The following WAPL variants were observed in gnomAD, a reference collection of about 807,000 sequenced individuals.
WAPL encodes WAPL cohesin release factor.
A neutral mutation model predicts 121.0 loss-of-function variants in WAPL; 5 were observed. The ratio of observed to expected loss-of-function variants is 0.04; its 90% confidence interval spans 0.02 to 0.09. WAPL has a LOEUF of 0.09. WAPL is among the 10% of genes least tolerant of loss of function. The pLI, the probability that WAPL is intolerant of heterozygous loss-of-function variation, is 1.00. For missense variants in WAPL, 999 were observed against 1,410.8 expected, an observed-to-expected ratio of 0.71 and a Z score of 4.68; for synonymous variants, 480 against 481.5, an observed-to-expected ratio of 1.00 and a Z score of 0.04.
rs1842585102 is a variant in WAPL, at chr10:86,517,676, T to C, written c.394A>G (p.Lys132Glu). 1.2e-6 allele frequency: 2 copies of C among 1,614,182 alleles called. No individual in the cohort carries two copies. The highest frequency in any genetic ancestry group is 1.7e-6 in the Non-Finnish European group (2 of 1,180,024). ...VVVEDTVVSD[K>E]CFPLEDTLLG... ...AAAGTGTCCTCCAAAGGGAAGCATTTATCAGAAACGACAGTGTCTTCAACG... is the reference window on the plus strand; with the variant it reads ...AAAGTGTCCTCCAAAGGGAAGCATTCATCAGAAACGACAGTGTCTTCAACG... The change falls in exon 2 of 19, where the codon AAA (lysine) becomes GAA (glutamate). Residue 132 changes from lysine (K) to glutamate (E), a missense_variant. Transcript: ENST00000298767.
At chr10:86,438,436 C>A (rs1051294996) in intron 17 of WAPL, among the ~76,000 whole-genome samples, 6 of 152,082 alleles carry the variant, frequency 3.9e-5, no homozygotes, top group Non-Finnish European at 8.8e-5. Flanking sequence ...GTATTTTTAG[C>A]AGAGACGTGG....
In WAPL at chr10:86,436,007, A is replaced by C. The variant is rs1849311628; in HGVS notation, c.*1536T>G. The C allele has an allele frequency of 6.6e-6, 1 of 152,482 alleles. No individual in the cohort carries two copies. The allele number at this position is 152,482 out of a possible 1,614,324, so 9.4% of individuals were successfully genotyped here. On this transcript the variant is annotated 3_prime_UTR_variant, in exon 19 of 19. Coordinates refer to ENST00000298767, the MANE Select transcript of WAPL (RefSeq NM_015045.5). ...TACACTGGCGTACTATGTTCTTAAA[A>C]GGTGATGGGTAGGGGTTGGGGTGGG...
intron 4 of WAPL, among the ~76,000 whole-genome samples, chr10:86,495,989 G>A (rs763417551): frequency 2.6e-5 from 4 of 151,998 alleles, no homozygotes; most frequent in African/African-American, 7.2e-5. Context: ...TGTCACATGC[G>A]TGTAATCCCA....
At position 86,467,440 on chromosome 10, in the gene WAPL, C is replaced by T; in HGVS notation, c.2209G>A (p.Asp737Asn). Reference protein sequence around the residue: ...LSRDRLNMDLDRASLDLMIRL... With the variant: ...LSRDRLNMDLNRASLDLMIRL... Reference sequence around the variant, plus strand: ...ATCATTAGATCTAAGCTAGCTCTATCAAGATCCATGTTCAAACGATCTCTA... The same window carrying T: ...ATCATTAGATCTAAGCTAGCTCTATTAAGATCCATGTTCAAACGATCTCTA... Residue 737 changes from aspartate (D) to asparagine (N), a missense_variant, in exon 9 of 19, where the codon GAT (aspartate) becomes AAT (asparagine). Physicochemically the swap from Asp to Asn is conservative, Grantham distance 23. This residue lies in a region of WAPL where 118 missense variants were observed against 318.3 expected (regional missense o/e 0.37). Coordinates refer to ENST00000298767, the MANE Select transcript of WAPL (RefSeq NM_015045.5). The T allele has an allele frequency of 6.2e-7, 1 of 1,613,978 alleles. No individual in the cohort carries two copies. The highest frequency in any genetic ancestry group is 8.5e-7 in the Non-Finnish European group (1 of 1,179,994).
intron 12 of WAPL, among the ~76,000 whole-genome samples, chr10:86,455,258 G>A (rs1029218698): frequency 6.6e-6 from 1 of 152,226 alleles, no homozygotes; most frequent in Admixed American, 6.5e-5. Flanking sequence ...GGGGAAATGT[G>A]GGGAAAAGAA....
intron 17 of WAPL, among the ~76,000 whole-genome samples, chr10:86,441,319 C>T (rs553388460): frequency 6.6e-6 from 1 of 152,266 alleles, no homozygotes; most frequent in African/African-American, 2.4e-5. Context: ...TAGTCACAAC[C>T]TTTCACTTTC....
intron 4 of WAPL, among the ~76,000 whole-genome samples, chr10:86,482,016 CAAGT>C (rs765159545): frequency 2.6e-5 from 4 of 152,176 alleles, no homozygotes; most frequent in African/African-American, 7.2e-5. Flanking sequence ...GAAATAATCC[CAAGT>C]AATTTGTGAA....
chr10:86,518,202 C>T (rs35459183), intron 1 of WAPL, 111 bp from the exon 2 acceptor site: 13,912 of 1,059,120 alleles, frequency 0.013, 472 homozygotes, highest in African/African-American at 0.1. Context: ...ACACTCACCA[C>T]ACAGACTTTT....
chr10:86,477,802 G>C (rs927121287), intron 4 of WAPL, among the ~76,000 whole-genome samples: 1 of 151,606 alleles, frequency 6.6e-6, no homozygotes, highest in Non-Finnish European at 1.5e-5. Context: ...GATACAGGCC[G>C]GGTGCAGTGG....
At chr10:86,465,076 G>A (rs1297413344) in intron 9 of WAPL, among the ~76,000 whole-genome samples, 2 of 152,214 alleles carry the variant, frequency 1.3e-5, no homozygotes, top group African/African-American at 4.8e-5. Flanking sequence ...AGAGAATAGA[G>A]CAAGAGCCTA....
chr10:86,465,635 T>C (rs1260496162), intron 9 of WAPL, among the ~76,000 whole-genome samples: 3 of 152,226 alleles, frequency 2.0e-5, no homozygotes, highest in African/African-American at 4.8e-5. Context: ...TACACTGCAA[T>C]AGCCCTACAC....
rs1453221193 is a variant in WAPL at position 86,435,658 on chromosome 10, A to G, written c.*1885T>C. The G allele has an allele frequency of 6.6e-6, 1 of 152,570 alleles. No homozygotes were observed. Among genetic ancestry groups the G allele is most frequent in the Non-Finnish European group, 1.5e-5 (1 of 67,998 alleles). The allele number at this position is 152,570 out of a possible 1,614,324, so 9.5% of individuals were successfully genotyped here. Reference sequence around the variant, plus strand: ...TCGACAATTAGTTATTATTTAAAAAACAAAACAAAACAAAAAACTGTTAAA... The same window carrying G: ...TCGACAATTAGTTATTATTTAAAAAGCAAAACAAAACAAAAAACTGTTAAA... On this transcript the variant is annotated 3_prime_UTR_variant, in exon 19 of 19. Transcript: ENST00000298767.
rs577848026 is a variant in WAPL at position 86,455,734 on chromosome 10, A to G, written c.2658-1903T>C. 2.8e-3 allele frequency among the ~76,000 whole-genome samples: 430 copies of G among 151,826 alleles called. 1 individual carries two copies. The highest frequency in any genetic ancestry group is 4.6e-3 in the Non-Finnish European group (315 of 67,924). On this transcript the variant is annotated intron_variant, in intron 12 of 18. Coordinates refer to ENST00000298767, the MANE Select transcript of WAPL (RefSeq NM_015045.5). The stretch of plus-strand genomic sequence containing the variant: ...AAAAAAGAAAAAAAGAAAACAAATA[A>G]AAATTTGCTAGCAGGGTGAGATGGG...
chr10:86,508,873 G>A (rs1223715250), intron 2 of WAPL, among the ~76,000 whole-genome samples: 1 of 149,348 alleles, frequency 6.7e-6, no homozygotes, highest in Non-Finnish European at 1.5e-5. Context: ...TCCTGCCTCA[G>A]CCTCTCCAAG....
intron 2 of WAPL, among the ~76,000 whole-genome samples, chr10:86,515,935 G>A (rs1044498222): frequency 2.1e-4 from 26 of 124,176 alleles, no homozygotes; most frequent in African/African-American, 2.5e-4. Context: ...GTGCGATCTC[G>A]GCTCACTGCA....
At chr10:86,440,116 G>A (rs1849424813) in intron 17 of WAPL, among the ~76,000 whole-genome samples, 1 of 152,052 alleles carries the variant, frequency 6.6e-6, no homozygotes, top group Admixed American at 6.5e-5. Flanking sequence ...GATAGATACA[G>A]GCAAACACAA....
intron 4 of WAPL, among the ~76,000 whole-genome samples, chr10:86,488,866 G>A (rs1841980546): frequency 6.6e-6 from 1 of 152,192 alleles, no homozygotes; most frequent in Admixed American, 6.5e-5. Context: ...AACCAATGTT[G>A]TAAAAACTGA....
intron 2 of WAPL, among the ~76,000 whole-genome samples, chr10:86,507,439 A>G (rs1842373847): frequency 6.6e-6 from 1 of 151,262 alleles, no homozygotes; most frequent in Admixed American, 6.6e-5. Flanking sequence ...TAATCTTCCT[A>G]ATACTTGTCA....
chr10:86,505,302 T>G, intron 2 of WAPL, among the ~76,000 whole-genome samples: 2 of 74,960 alleles, frequency 2.7e-5, no homozygotes, highest in Non-Finnish European at 6.9e-5. Flanking sequence ...GCCCAACTCT[T>G]TTTTTTTTTT....
Sources: gnomAD v4.1 joint callset for allele counts (sites outside exome capture counted in the v4.1 genomes callset) on GRCh38, gnomAD v4.1.1 for gene constraint, gnomAD v4.1.1 regional missense constraint, MANE v1.5 for transcripts, NCBI Gene and HGNC (gene_info 2026-07-23, HGNC 2026-07-21) for gene names.